Variants in STPG2 observed in about 807,000 individuals in gnomAD.
STPG2 encodes the protein sperm-tail PG-rich repeat-containing protein 2.
A neutral mutation model predicts 54.2 loss-of-function variants in STPG2; 56 were observed. That is an observed-to-expected ratio of 1.03 (90% confidence interval 0.83 to 1.29). STPG2 has a LOEUF of 1.29. Among genes scored for constraint, STPG2 ranks in the 50% most tolerant of loss-of-function variants. The pLI is 0.00. For missense variants in STPG2, 596 were observed against 544.9 expected (o/e 1.09, Z -0.93); for synonymous variants, 200 against 181.8 (o/e 1.10, Z -0.81).
At chr4:97,802,515 G>T (rs1460618179) in intron 9 of STPG2, among the ~76,000 whole-genome samples, 1 of 151,882 alleles carries the variant, frequency 6.6e-6, no homozygotes, top group Non-Finnish European at 1.5e-5. Context: ...TGGTTGCCTG[G>T]GTTGGAGTGC....
At chr4:97,805,067 T>C (rs962940688) in intron 9 of STPG2, among the ~76,000 whole-genome samples, 3 of 152,196 alleles carry the variant, frequency 2.0e-5, no homozygotes, top group Non-Finnish European at 4.4e-5. Context: ...CATGACTATA[T>C]GTGTTCCTGA....
chr4:97,929,290 G>A (rs917167760), intron 8 of STPG2, among the ~76,000 whole-genome samples: 1 of 152,202 alleles, frequency 6.6e-6, no homozygotes, highest in Non-Finnish European at 1.5e-5. Context: ...TGAGCATTTG[G>A]GTTGATTCCA....
intron 10 of STPG2, among the ~76,000 whole-genome samples, chr4:97,598,503 C>T (rs1450584295): frequency 6.6e-6 from 1 of 151,384 alleles, no homozygotes; most frequent in Non-Finnish European, 1.5e-5. Flanking sequence ...TCACACTACC[C>T]AACTTCAAAC....
intron 10 of STPG2, among the ~76,000 whole-genome samples, chr4:97,654,021 G>T (rs1238924697): frequency 6.6e-6 from 1 of 152,156 alleles, no homozygotes; most frequent in Non-Finnish European, 1.5e-5. Flanking sequence ...GCCTGCCATT[G>T]CTGCAAAGCA....
chr4:97,835,610 C>T (rs908509541), intron 9 of STPG2, among the ~76,000 whole-genome samples: 18 of 152,100 alleles, frequency 1.2e-4, no homozygotes, highest in African/African-American at 3.6e-4. Context: ...GCCCATGGTT[C>T]AAAGACTAAT....
intron 8 of STPG2, among the ~76,000 whole-genome samples, chr4:97,910,410 A>G (rs1179493019): frequency 6.6e-6 from 1 of 152,248 alleles, no homozygotes; most frequent in Non-Finnish European, 1.5e-5. Context: ...AACTAAAATC[A>G]ATATAGCAAA....
chr4:97,935,259 T>A (rs1433637732), intron 8 of STPG2, among the ~76,000 whole-genome samples: 1 of 151,746 alleles, frequency 6.6e-6, no homozygotes, highest in Non-Finnish European at 1.5e-5. Context: ...CTCTTTATTA[T>A]GCTAGCTACA....
At chr4:98,092,211 T>C (rs1027533472) in intron 5 of STPG2, among the ~76,000 whole-genome samples, 1 of 152,070 alleles carries the variant, frequency 6.6e-6, no homozygotes, top group Non-Finnish European at 1.5e-5. Context: ...ATTCAACCCT[T>C]CCATCTTTAT....
chr4:98,078,798 T>G (rs1738251169), intron 5 of STPG2, among the ~76,000 whole-genome samples: 1 of 152,180 alleles, frequency 6.6e-6, no homozygotes, highest in African/African-American at 2.4e-5. Flanking sequence ...TGATTTCCCT[T>G]TCATATTAAC....
intron 10 of STPG2, among the ~76,000 whole-genome samples, chr4:97,596,634 G>GA (rs1733301380): frequency 1.3e-5 from 2 of 151,916 alleles, no homozygotes; most frequent in Admixed American, 1.3e-4. Flanking sequence ...ACAATTGCAG[G>GA]AAAATGAAAC....
intron 8 of STPG2, among the ~76,000 whole-genome samples, chr4:97,920,084 G>T (rs879637006): frequency 2.6e-5 from 4 of 152,132 alleles, no homozygotes; most frequent in Admixed American, 2.0e-4. Context: ...AGAACAGAAA[G>T]GACTGCCAAA....
chr4:97,890,233 GGAGA>G (rs1157520270), intron 8 of STPG2, among the ~76,000 whole-genome samples: 1 of 152,000 alleles, frequency 6.6e-6, no homozygotes, highest in Non-Finnish European at 1.5e-5. Context: ...AAGATCACTA[GGAGA>G]GAGATTGATG....
chr4:97,829,482 A>G (rs1332143716), intron 9 of STPG2, among the ~76,000 whole-genome samples: 1 of 151,966 alleles, frequency 6.6e-6, no homozygotes, highest in East Asian at 1.9e-4. Context: ...AAGGATCACA[A>G]CTCCTCATCA....
chr4:97,499,612 G>T (rs1730682492), intron 4 of STPG2, among the ~76,000 whole-genome samples: 1 of 151,930 alleles, frequency 6.6e-6, no homozygotes, highest in African/African-American at 2.4e-5. Flanking sequence ...TATTTTAAAT[G>T]GTATGAAGAA....
At chr4:97,902,366 A>G (rs1731211634) in intron 8 of STPG2, among the ~76,000 whole-genome samples, 2 of 152,208 alleles carry the variant, frequency 1.3e-5, no homozygotes, top group South Asian at 4.1e-4. Flanking sequence ...CAAAAAGGCA[A>G]CCTACAGAAT....
intron 10 of STPG2, among the ~76,000 whole-genome samples, chr4:97,643,553 A>T (rs1299824031): frequency 6.6e-6 from 1 of 151,632 alleles, no homozygotes; most frequent in African/African-American, 2.4e-5. Flanking sequence ...CAACCATTTA[A>T]CTCTTTAGCT....
At chr4:97,938,720 C>T (rs961683177) in intron 8 of STPG2, among the ~76,000 whole-genome samples, 2 of 152,166 alleles carry the variant, frequency 1.3e-5, no homozygotes, top group Non-Finnish European at 2.9e-5. Context: ...CCCCTTACCC[C>T]ATGTGGCTCT....
At chr4:97,718,435 G>C (rs1438718501) in intron 9 of STPG2, among the ~76,000 whole-genome samples, 1 of 151,922 alleles carries the variant, frequency 6.6e-6, no homozygotes, top group Non-Finnish European at 1.5e-5. Flanking sequence ...GAAAAAGCTA[G>C]AGTCAAAGAG....
At chr4:97,742,061 G>A (rs1725258714) in intron 9 of STPG2, among the ~76,000 whole-genome samples, 1 of 152,048 alleles carries the variant, frequency 6.6e-6, no homozygotes, top group Non-Finnish European at 1.5e-5. Flanking sequence ...CATGTCCTTT[G>A]TAGGGACATG....
Sources: allele counts gnomAD v4.1 joint callset (sites outside exome capture counted in the v4.1 genomes callset), GRCh38; gene constraint gnomAD v4.1.1; transcripts MANE v1.5; gene names NCBI Gene and HGNC (gene_info 2026-07-23, HGNC 2026-07-21).